FZD6: variants seen among roughly 807,000 people sequenced by gnomAD.
FZD6 encodes the protein frizzled class receptor 6, also known as frizzled-6.
FZD6 carries 49 observed loss-of-function variants against 61.4 expected under a neutral mutation model. The ratio of observed to expected loss-of-function variants is 0.80; its 90% confidence interval spans 0.63 to 1.01. The LOEUF (loss-of-function observed/expected upper bound fraction) is 1.01, where lower values mean the gene tolerates loss of function less well. Among genes scored for constraint, FZD6 ranks in the 50% least tolerant of loss-of-function variants. The pLI is 0.00. For missense variants in FZD6, 724 were observed against 848.2 expected (o/e 0.85, Z 1.82); for synonymous variants, 265 against 292.2 (o/e 0.91, Z 0.95).
At chr8:103,331,267 G>A in intron 6 of FZD6, 74 bp from the exon 7 acceptor site, 1 of 999,950 alleles carries the variant, frequency 1.0e-6, no homozygotes, top group South Asian at 1.3e-5. Flanking sequence ...CTGGTTAGGG[G>A]TGAAACTCAT....
chr8:103,324,564 T>G lies in FZD6; in HGVS notation c.458T>G (p.Val153Gly), dbSNP rs1486796562. 6.2e-7 allele frequency: 1 copy of G among 1,613,462 alleles called. No homozygotes were observed. Among genetic ancestry groups the G allele is most frequent in the East Asian group, 2.2e-5 (1 of 44,882 alleles). The change falls in exon 4 of 7, where the codon GTC becomes GGC. Residue 153 changes from valine to glycine, a missense_variant. Val to Gly is a moderately radical substitution (Grantham distance 109, BLOSUM62 -3). Transcript: ENST00000358755. ...GGTCCTCAGAAGAAAACAGAACAAG[T>G]CCAAAGAGACATTGGATTTTGGTGT... ...FLGPQKKTEQ[V>G]QRDIGFWCPR...
intron 2 of FZD6, among the ~76,000 whole-genome samples, chr8:103,315,577 C>T (rs750895149): frequency 6.6e-6 from 1 of 152,098 alleles, no homozygotes; most frequent in African/African-American, 2.4e-5. Context: ...TGACAGAAGG[C>T]AGATCAGTTG....
At chr8:103,307,553 T>C (rs1339523024) in intron 2 of FZD6, among the ~76,000 whole-genome samples, 7 of 152,248 alleles carry the variant, frequency 4.6e-5, no homozygotes. Context: ...TGACAAAGGC[T>C]TATTTTCTTA....
chr8:103,318,152 A>G (rs1032741602), intron 2 of FZD6, among the ~76,000 whole-genome samples: 57 of 152,310 alleles, frequency 3.7e-4, no homozygotes, highest in African/African-American at 1.3e-3. Flanking sequence ...GAGCATTTCA[A>G]TGATCATAAT....
At chr8:103,302,549 C>T (rs1488666809) in intron 2 of FZD6, among the ~76,000 whole-genome samples, 3 of 152,152 alleles carry the variant, frequency 2.0e-5, no homozygotes, top group South Asian at 2.1e-4. Flanking sequence ...TTTGAGCACT[C>T]TAATCTGATA....
upstream of FZD6, chr8:103,298,775 CG>C (rs1355016165): frequency 1.3e-4 from 1 of 7,728 alleles, no homozygotes; most frequent in African/African-American, 3.6e-4. Flanking sequence ...GGGCCAGTCC[CG>C]CCGCCGCCGC....
chr8:103,327,265 T>TG (rs766637759), intron 4 of FZD6, among the ~76,000 whole-genome samples: 5 of 152,228 alleles, frequency 3.3e-5, no homozygotes, highest in Non-Finnish European at 7.3e-5. Flanking sequence ...GAATAAGTTA[T>TG]GGTTCACTCA....
Position 103,324,505 on chromosome 8 carries a change from T to A in FZD6, c.399T>A (p.Val133=), listed in dbSNP as rs201847226. The A allele has an allele frequency of 6.3e-7, 1 of 1,598,074 alleles. No individual in the cohort carries two copies. Among genetic ancestry groups the A allele is most frequent in the Admixed American group, 1.7e-5 (1 of 59,932 alleles). ...CDRLQYCDET[V]PVTFDPHTEF... ...GATTACAATACTGTGATGAGACTGT[T>A]CCTGTAACTTTTGATCCACACACAG... is the stretch of plus-strand genomic sequence containing the variant. The change falls in exon 4 of 7, where the codon GTT becomes GTA. Residue 133 remains valine (V), a synonymous_variant. Coordinates refer to ENST00000358755, the MANE Select transcript of FZD6 (RefSeq NM_003506.4).
intron 2 of FZD6, among the ~76,000 whole-genome samples, chr8:103,314,211 C>T (rs1814571136): frequency 6.6e-6 from 1 of 152,138 alleles, no homozygotes; most frequent in South Asian, 2.1e-4. Flanking sequence ...ATTTTGCCTG[C>T]CCTTGAACTA....
intron 3 of FZD6, among the ~76,000 whole-genome samples, chr8:103,320,287 A>G (rs949254707): frequency 1.3e-5 from 2 of 152,158 alleles, no homozygotes; most frequent in East Asian, 3.9e-4. Flanking sequence ...GAGGCTTCGT[A>G]ACATTTTAGG....
At chr8:103,298,773 C>CCGCCGCCGCCGCCGCCGCCGCCGCCG (rs1814047724), upstream of FZD6, 1 of 155,986 alleles carries the variant, frequency 6.4e-6, no homozygotes, top group African/African-American at 2.5e-5. Flanking sequence ...CAGGGCCAGT[C>CCGCCGCCGCCGCCGCCGCCGCCGCCG]CCGCCGCCGC....
In FZD6 at chr8:103,318,704, C is replaced by T. The variant is rs1267735158; in HGVS notation, c.292C>T (p.Leu98Phe). The change falls in exon 3 of 7, where the codon CTT (leucine) becomes TTT (phenylalanine). Residue 98 changes from leucine (L) to phenylalanine (F), a missense_variant. By Grantham distance (22) the Leu-to-Phe change is conservative. Coordinates refer to ENST00000358755, the MANE Select transcript of FZD6 (RefSeq NM_003506.4). ...TCATGTGGTTCCACCTTGTCGTAAA[C>T]TTTGTGAGAAAGTATATTCTGATTG... ...QIHVVPPCRK[L>F]CEKVYSDCKK... 1.4e-5 allele frequency: 23 copies of T among 1,609,782 alleles called. No individual in the cohort carries two copies. Among genetic ancestry groups the T allele is most frequent in the Non-Finnish European group, 2.0e-5 (23 of 1,176,106 alleles).
rs771311097 is a variant in FZD6 at position 103,324,683 on chromosome 8, G to C, written c.577G>C (p.Asp193His). 1 of 1,614,058 alleles carries C rather than the reference G, an allele frequency of 6.2e-7. No individual in the cohort carries two copies. The highest frequency in any genetic ancestry group is 1.7e-5 in the Admixed American group (1 of 60,010). The change falls in exon 4 of 7, where the codon GAT becomes CAT. Residue 193 changes from aspartate (D) to histidine (H), a missense_variant. Asp to His is a moderately conservative substitution (Grantham distance 81). Transcript: ENST00000358755. ...ATGCCCCAACATGTATTTTAAAAGT[G>C]ATGAGCTAGAGTTTGCAAAAAGTTT... ...PPCPNMYFKS[D>H]ELEFAKSFIG... is the part of the protein sequence containing the mutation.
chr8:103,327,009 T>TA (rs1814970688), intron 4 of FZD6, among the ~76,000 whole-genome samples: 1 of 152,238 alleles, frequency 6.6e-6, no homozygotes, highest in Non-Finnish European at 1.5e-5. Context: ...CACTGTGTGG[T>TA]GAAACAATAA....
chr8:103,324,373 T>C, intron 3 of FZD6, 108 bp from the exon 4 acceptor site: 1 of 654,546 alleles, frequency 1.5e-6, no homozygotes, highest in Non-Finnish European at 2.6e-6. Flanking sequence ...TCTCTTCCCA[T>C]CAATCATGAA....
intron 1 of FZD6, 53 bp downstream of exon 1, chr8:103,299,048 G>A (rs1284580680): frequency 6.6e-6 from 1 of 152,640 alleles, no homozygotes; most frequent in Non-Finnish European, 1.5e-5. Context: ...GCCGGGGGAA[G>A]CGGGGAGGGC....
chr8:103,307,277 T>C (rs1814363875), intron 2 of FZD6, among the ~76,000 whole-genome samples: 1 of 145,100 alleles, frequency 6.9e-6, no homozygotes, highest in Admixed American at 7.2e-5. Context: ...CCCAGGCCCA[T>C]ATTATGGTTC....
intron 3 of FZD6, among the ~76,000 whole-genome samples, chr8:103,322,973 T>A (rs560564250): frequency 1.3e-5 from 2 of 152,332 alleles, no homozygotes; most frequent in East Asian, 3.9e-4. Context: ...CACACTGGAA[T>A]ACTACCATAC....
In FZD6 at chr8:103,309,423, G is replaced by A. The variant is rs191127600; in HGVS notation, c.177+9139G>A. On this transcript the variant is annotated intron_variant, in intron 2 of 6. Transcript: ENST00000358755. ...GAATCACCTTAGCCAATTGAGTTGA[G>A]GTTGCTTAAGACAATCCACTGGAAA... Among the ~76,000 whole-genome samples, 23 of 152,304 alleles carry A rather than the reference G, an allele frequency of 1.5e-4. 1 individual carries two copies. The highest frequency in any genetic ancestry group is 2.9e-4 in the Non-Finnish European group (20 of 68,022).
Sources: allele counts gnomAD v4.1 joint callset (sites outside exome capture counted in the v4.1 genomes callset), GRCh38; gene constraint gnomAD v4.1.1; transcripts MANE v1.5; gene names NCBI Gene and HGNC (gene_info 2026-07-23, HGNC 2026-07-21).